NOTCH1: variants seen among roughly 807,000 people sequenced by gnomAD.
NOTCH1 encodes the protein notch receptor 1.
Under a neutral mutation model 254.8 loss-of-function variants are expected in NOTCH1, and 37 were observed. The observed-to-expected ratio is 0.15, with a 90% CI of 0.11 to 0.19. The LOEUF (loss-of-function observed/expected upper bound fraction) is 0.19, where lower values mean the gene tolerates loss of function less well. NOTCH1 is among the 10% of genes least tolerant of loss of function. The pLI, the probability that NOTCH1 is intolerant of heterozygous loss-of-function variation, is 1.00. For synonymous variants in NOTCH1, 1,731 were observed against 1,618.1 expected (o/e 1.07, Z -1.68); for missense variants, 2,972 against 3,708.6 (o/e 0.80, Z 5.16).
At position 136,494,978 on chromosome 9, in the gene NOTCH1, C is replaced by T; in HGVS notation, c.*1093G>A. The T allele has an allele frequency of 2.5e-6, 1 of 398,894 alleles. No homozygotes were observed. The highest frequency in any genetic ancestry group is 3.5e-5 in the East Asian group (1 of 28,202). 24.7% of individuals were successfully genotyped at this position (398,894 alleles called of 1,614,324 possible). A position where few individuals can be genotyped will look rare whatever the true frequency, so the allele number is the denominator to read the frequency against. On this transcript the variant is annotated 3_prime_UTR_variant, in exon 34 of 34. Coordinates refer to ENST00000651671, the MANE Select transcript of NOTCH1 (RefSeq NM_017617.5). ...GGGGACAGGACCAAAGGACGCAGCC[C>T]ACGGCGTTGCACAGCTCAATGTGCC...
At chr9:136,509,180 G>C (rs991318016) in intron 18 of NOTCH1, 109 bp from the exon 19 acceptor site, 13 of 1,146,072 alleles carry the variant, frequency 1.1e-5, no homozygotes, top group Non-Finnish European at 1.6e-5. Flanking sequence ...CTAGGGGCCT[G>C]ATGGCCAGGA....
chr9:136,542,182 C>T (rs1299180384), intron 2 of NOTCH1, among the ~76,000 whole-genome samples: 1 of 152,156 alleles, frequency 6.6e-6, no homozygotes, highest in African/African-American at 2.4e-5. Flanking sequence ...AGTCCCAGAC[C>T]CCTGTGGGCC....
chr9:136,521,020 TC>T (rs1390204588), intron 4 of NOTCH1, among the ~76,000 whole-genome samples: 1 of 152,040 alleles, frequency 6.6e-6, no homozygotes, highest in East Asian at 1.9e-4. Flanking sequence ...CCCAGCCAGT[TC>T]CCGGGCCTGC....
At chr9:136,503,383 C>T (rs2133333958) in intron 26 of NOTCH1, 53 bp from the exon 27 acceptor site, 3 of 1,611,042 alleles carry the variant, frequency 1.9e-6, no homozygotes, top group Non-Finnish European at 2.5e-6. Flanking sequence ...CCTCCCCCGC[C>T]CACCGGCCAG....
intron 26 of NOTCH1, among the ~76,000 whole-genome samples, chr9:136,504,164 C>G (rs1201149081): frequency 1.3e-5 from 2 of 152,198 alleles, no homozygotes; most frequent in African/African-American, 4.8e-5. Flanking sequence ...TGTGGGAACC[C>G]CTGGAGAGCT....
At chr9:136,505,214 A>G in intron 25 of NOTCH1, 96 bp downstream of exon 25, 3 of 1,520,826 alleles carry the variant, frequency 2.0e-6, no homozygotes, top group Non-Finnish European at 2.7e-6. Flanking sequence ...GCACCCCCTG[A>G]GCAGAGCCTT....
At chr9:136,514,779 T>G (rs2133361611) in intron 12 of NOTCH1, 77 bp from the exon 13 acceptor site, 1 of 1,440,510 alleles carries the variant, frequency 6.9e-7, no homozygotes, top group East Asian at 2.4e-5. Flanking sequence ...TTTCCCTGTC[T>G]GTTGAGCCGG....
At chr9:136,503,465 G>A in intron 26 of NOTCH1, 135 bp from the exon 27 acceptor site, 2 of 1,338,718 alleles carry the variant, frequency 1.5e-6, no homozygotes, top group Admixed American at 1.9e-5. Flanking sequence ...GGGGTGGTGG[G>A]AAGCCAGGTC....
rs2133363169 is a variant in NOTCH1, at chr9:136,515,470, C to T, written c.1903+13G>A. The T allele has an allele frequency of 1.9e-6, 3 of 1,611,556 alleles. No individual in the cohort carries two copies. Among genetic ancestry groups the T allele is most frequent in the Non-Finnish European group, 2.5e-6 (3 of 1,179,440 alleles). Reference sequence around the variant, plus strand: ...CCACTGGCCCCCCGCCGGCCACCCGCCTGGCCGGCCACCTGTGGTCCCCTT... The same window carrying T: ...CCACTGGCCCCCCGCCGGCCACCCGTCTGGCCGGCCACCTGTGGTCCCCTT... On this transcript the variant is annotated intron_variant, in intron 11 of 33. Transcript: ENST00000651671.
chr9:136,523,013 G>T lies in NOTCH1; in HGVS notation c.579C>A (p.Gly193=). 6.4e-7 allele frequency: 1 copy of T among 1,550,632 alleles called. No individual in the cohort carries two copies. The highest frequency in any genetic ancestry group is 8.7e-7 in the Non-Finnish European group (1 of 1,147,890). Residue 193 remains glycine (G), a synonymous_variant, in exon 4 of 34, where the codon GGC becomes GGA. Coordinates refer to ENST00000651671, the MANE Select transcript of NOTCH1 (RefSeq NM_017617.5). ...GQKPGLCRHG[G]TCHNEVGSYR... is the part of the protein sequence containing the mutation. ...AGGAGCCGACCTCGTTGTGGCAGGT[G>T]CCTCCGTGGCGGCAAAGCCCGGGCT...
In NOTCH1 at chr9:136,502,043, C is replaced by T. The variant is rs1843005523; in HGVS notation, c.5430G>A (p.Gln1810=). 1 of 1,613,352 alleles carries T rather than the reference C, an allele frequency of 6.2e-7. No homozygotes were observed. Among genetic ancestry groups the T allele is most frequent in the African/African-American group, 1.3e-5 (1 of 75,030 alleles). The change falls in exon 29 of 34, where the codon CAG becomes CAA. Residue 1810 remains glutamine, a synonymous_variant. Transcript: ENST00000651671. Reference sequence around the variant, plus strand: ...CCAGGTCCTCGTCCCCCCACTCATTCTGGTTGTCGTCCATGAGGGCACCGT... The same window carrying T: ...CCAGGTCCTCGTCCCCCCACTCATTTTGGTTGTCGTCCATGAGGGCACCGT... ...ASDGALMDDN[Q]NEWGDEDLET...
intron 2 of NOTCH1, among the ~76,000 whole-genome samples, chr9:136,536,223 T>G (rs1843655227): frequency 6.6e-6 from 1 of 152,184 alleles, no homozygotes; most frequent in African/African-American, 2.4e-5. Flanking sequence ...GTCCCCCAGC[T>G]GCCTGCAGAC....
chr9:136,514,698 G>T lies in NOTCH1; in HGVS notation c.2019C>A (p.Ser673Arg), dbSNP rs1294636595. ...ACTCATCGATGTTGATGTTACACAT[G>T]CTCCCTAAGGGCAGGGCGGGTCAGA... ...ECACEPGYTGSMCNINIDECA... is the reference protein window; with the variant it reads ...ECACEPGYTGRMCNINIDECA... Residue 673 changes from serine to arginine, a missense_variant, in exon 13 of 34, where the codon AGC (serine) becomes AGA (arginine). Coordinates refer to ENST00000651671, the MANE Select transcript of NOTCH1 (RefSeq NM_017617.5). 6.2e-7 allele frequency: 1 copy of T among 1,612,188 alleles called. No homozygotes were observed. The highest frequency in any genetic ancestry group is 8.5e-7 in the Non-Finnish European group (1 of 1,179,750).
chr9:136,535,462 GGC>G, intron 2 of NOTCH1, among the ~76,000 whole-genome samples: 1 of 139,424 alleles, frequency 7.2e-6, no homozygotes, highest in Non-Finnish European at 1.6e-5. Flanking sequence ...GTGCAGGGTA[GGC>G]GGGGAGCACT....
intron 2 of NOTCH1, among the ~76,000 whole-genome samples, chr9:136,531,868 T>C (rs1229939046): frequency 2.6e-5 from 4 of 152,174 alleles, no homozygotes; most frequent in African/African-American, 4.8e-5. Context: ...GGTCACCTCA[T>C]CCCCATCACA....
chr9:136,505,864 C>G lies in NOTCH1; in HGVS notation c.4032G>C (p.Thr1344=), dbSNP rs778180538. ...CGCAGGTACGAGCGTCATTCTCACA[C>G]GTGGCGCCCTCGAAGCCCTGCCCGA... ...CKCPAGFEGA[T]CENDARTCGS... Residue 1344 remains threonine (T), a synonymous_variant, in exon 25 of 34, where the codon ACG becomes ACC. Coordinates refer to ENST00000651671, the MANE Select transcript of NOTCH1 (RefSeq NM_017617.5). The G allele has an allele frequency of 6.3e-7, 1 of 1,593,178 alleles. No homozygotes were observed. The highest frequency in any genetic ancestry group is 2.2e-5 in the East Asian group (1 of 44,694).
chr9:136,510,630 G>A (rs746421470), intron 17 of NOTCH1, 23 bp downstream of exon 17: 3 of 1,596,544 alleles, frequency 1.9e-6, no homozygotes, highest in South Asian at 1.1e-5. Context: ...CCTGGAGGAG[G>A]CCAGAGCCGC....
Position 136,503,249 on chromosome 9 carries a change from G to A in NOTCH1, c.5100C>T (p.Ala1700=), listed in dbSNP as rs376495459. The stretch of plus-strand genomic sequence containing the variant: ...GCGAGGCGAGCGCTCCCAGGAATGC[G>A]GCCACGTCGGTGGCACTCTGGAAGC... ...SQCFQSATDV[A]AFLGALASLG... Residue 1700 remains alanine, a synonymous_variant, in exon 27 of 34, where the codon GCC becomes GCT. Transcript: ENST00000651671. The A allele has an allele frequency of 3.2e-5, 51 of 1,612,766 alleles. No homozygotes were observed. Among genetic ancestry groups the A allele is most frequent in the East Asian group, 1.3e-4 (6 of 44,888 alleles).
At chr9:136,522,270 C>T (rs964138318) in intron 4 of NOTCH1, among the ~76,000 whole-genome samples, 1 of 152,220 alleles carries the variant, frequency 6.6e-6, no homozygotes, top group Non-Finnish European at 1.5e-5. Flanking sequence ...AGCCACCACG[C>T]GCGGCCGAGA....
Sources: allele counts gnomAD v4.1 joint callset (sites outside exome capture counted in the v4.1 genomes callset), GRCh38; gene constraint gnomAD v4.1.1; transcripts MANE v1.5; gene names NCBI Gene and HGNC (gene_info 2026-07-23, HGNC 2026-07-21).